Variants in DMD observed in about 807,000 individuals in gnomAD.
The protein encoded by DMD is dystrophin, also known as mutant dystrophin.
Under a neutral mutation model 330.1 loss-of-function variants are expected in DMD, and 63 were observed. The observed-to-expected ratio is 0.19, with a 90% CI of 0.16 to 0.24. The LOEUF is 0.24. Ranked by LOEUF, DMD falls within the 10% of genes least tolerant of loss-of-function variation. DMD has a pLI of 1.00. For synonymous variants in DMD, 1,223 were observed against 959.8 expected, an observed-to-expected ratio of 1.27 and a Z score of -5.07; for missense variants, 3,344 against 2,684.1, an observed-to-expected ratio of 1.25 and a Z score of -5.43.
At chrX:31,598,140 T>C (rs1777875672) in intron 55 of DMD, among the ~76,000 whole-genome samples, 1 of 109,492 alleles carries the variant, frequency 9.1e-6, no homozygotes, top group Non-Finnish European at 1.9e-5. Flanking sequence ...AGAGAGGGTC[T>C]CATTCTGTCA....
At chrX:32,465,309 CT>C (rs1036685408) in intron 23 of DMD, among the ~76,000 whole-genome samples, 1 of 111,122 alleles carries the variant, frequency 9.0e-6, no homozygotes, top group Non-Finnish European at 1.9e-5. Flanking sequence ...CCCGTATTAC[CT>C]TTTTTTCTGC....
At chrX:32,545,131 T>G (rs2148958783) in intron 17 of DMD, 28 bp downstream of exon 17, 1 of 1,195,068 alleles carries the variant, frequency 8.4e-7, no homozygotes. Context: ...CCACTTCATT[T>G]GCAGATAAAA....
chrX:32,375,353 C>T (rs767555055), intron 34 of DMD, among the ~76,000 whole-genome samples: 1 of 112,313 alleles, frequency 8.9e-6, no homozygotes, highest in South Asian at 3.7e-4. Context: ...GAATCTTTGG[C>T]CAATGCTTAG....
Position 32,252,795 on chromosome X carries a change from T to TATATAA in DMD, c.6290+34733_6290+34734insTTATAT, listed in dbSNP as rs1569553698. ...ATAAATATATATAAATATATATAAA[T>TATATAA]ATATATATAAATATATATAAGTATA... On this transcript the variant is annotated intron_variant, in intron 43 of 78. Coordinates refer to ENST00000357033, the MANE Select transcript of DMD (RefSeq NM_004006.3). Among the ~76,000 whole-genome samples the TATATAA allele has an allele frequency of 1.4e-3, 64 of 46,917 alleles. 2 individuals carry two copies. Among genetic ancestry groups the TATATAA allele is most frequent in the African/African-American group, 9.5e-3 (60 of 6,322 alleles). The allele number at this position is 46,917 out of a possible 115,157, so 40.7% of individuals were successfully genotyped here.
chrX:32,537,767 G>A (rs936263224), intron 17 of DMD, among the ~76,000 whole-genome samples: 1 of 112,156 alleles, frequency 8.9e-6, no homozygotes, highest in African/African-American at 3.2e-5. Flanking sequence ...GAATAAGTAT[G>A]AGTACCATTT....
intron 1 of DMD, among the ~76,000 whole-genome samples, chrX:33,272,084 A>G (rs377219781): frequency 1.4e-4 from 16 of 111,049 alleles, no homozygotes; most frequent in Middle Eastern, 4.8e-3. Context: ...GGGTTTCACC[A>G]TGTTGGCCAG....
intron 7 of DMD, among the ~76,000 whole-genome samples, chrX:32,803,642 C>G (rs113673673): frequency 0.063 from 7,069 of 111,662 alleles, 505 homozygotes; most frequent in African/African-American, 0.21. Flanking sequence ...CTGTGTCCCA[C>G]AGATTCTGCT....
At chrX:31,241,690 C>A (rs1457343656) in intron 63 of DMD, among the ~76,000 whole-genome samples, 1 of 111,176 alleles carries the variant, frequency 9.0e-6, no homozygotes, top group African/African-American at 3.3e-5. Flanking sequence ...TCTGGAGTCA[C>A]GTTCCCTTTT....
chrX:32,772,294 A>G (rs2073695350), intron 7 of DMD, among the ~76,000 whole-genome samples: 1 of 112,755 alleles, frequency 8.9e-6, no homozygotes, highest in Non-Finnish European at 1.9e-5. Flanking sequence ...TATTGGCCCA[A>G]CTACTAATAT....
chrX:32,528,431 G>T (rs763445871), intron 17 of DMD, among the ~76,000 whole-genome samples: 1 of 111,697 alleles, frequency 9.0e-6, no homozygotes, highest in East Asian at 2.8e-4. Context: ...GATCTTCAGC[G>T]ACTTCTTGCT....
At chrX:31,417,480 C>T (rs186247017) in intron 60 of DMD, among the ~76,000 whole-genome samples, 17 of 108,386 alleles carry the variant, frequency 1.6e-4, no homozygotes, top group East Asian at 5.9e-4. Context: ...TTAGTAGAGA[C>T]GAGTTTCACC....
chrX:31,478,917 G>A, intron 58 of DMD, 66 bp downstream of exon 58: 1 of 1,146,434 alleles, frequency 8.7e-7, no homozygotes, highest in Non-Finnish European at 1.2e-6. Context: ...CAGCAAGAAT[G>A]GATGGGCTGC....
intron 2 of DMD, among the ~76,000 whole-genome samples, chrX:32,972,332 G>A (rs1028315076): frequency 9.1e-6 from 1 of 110,051 alleles, no homozygotes; most frequent in African/African-American, 3.3e-5. Flanking sequence ...CATGCACCAC[G>A]ACGCTCTGTT....
intron 60 of DMD, among the ~76,000 whole-genome samples, chrX:31,370,784 T>A (rs2059519271): frequency 8.9e-6 from 1 of 112,094 alleles, no homozygotes; most frequent in African/African-American, 3.2e-5. Flanking sequence ...AACTCAGATG[T>A]CTTCAAGGGG....
At chrX:32,744,251 C>T (rs2148213195) in intron 7 of DMD, among the ~76,000 whole-genome samples, 1 of 110,023 alleles carries the variant, frequency 9.1e-6, no homozygotes, top group South Asian at 3.9e-4. Flanking sequence ...TCAAAACTTC[C>T]AATTTGCCAA....
chrX:31,221,885 G>A (rs2046081352), intron 64 of DMD, among the ~76,000 whole-genome samples: 1 of 110,438 alleles, frequency 9.1e-6, no homozygotes, highest in Non-Finnish European at 1.9e-5. Flanking sequence ...GTGAAACCCC[G>A]TCTCTATTAA....
At chrX:32,468,061 G>A (rs1053340430) in intron 23 of DMD, among the ~76,000 whole-genome samples, 1 of 109,507 alleles carries the variant, frequency 9.1e-6, no homozygotes, top group African/African-American at 3.3e-5. Flanking sequence ...CAGCAGAAAT[G>A]AAAGGTAATA....
intron 51 of DMD, among the ~76,000 whole-genome samples, chrX:31,741,871 T>C (rs1023872280): frequency 8.9e-6 from 1 of 111,835 alleles, no homozygotes; most frequent in East Asian, 2.8e-4. Context: ...AGAAGGCTGT[T>C]TCGTCTATAT....
intron 4 of DMD, among the ~76,000 whole-genome samples, chrX:32,828,256 G>A (rs758095177): frequency 9.0e-6 from 1 of 111,274 alleles, no homozygotes; most frequent in Admixed American, 9.6e-5. Flanking sequence ...TGAGGTTGCT[G>A]GGTTGAATGG....
Sources: allele counts gnomAD v4.1 joint callset (sites outside exome capture counted in the v4.1 genomes callset), GRCh38; gene constraint gnomAD v4.1.1; transcripts MANE v1.5; gene names NCBI Gene and HGNC (gene_info 2026-07-23, HGNC 2026-07-21).